Variants in FOXJ3 observed in about 807,000 individuals in gnomAD.
FOXJ3 encodes forkhead box J3, also known as forkhead box protein J3.
Under a neutral mutation model 76.1 loss-of-function variants are expected in FOXJ3, and 22 were observed. The observed-to-expected ratio is 0.29, with a 90% CI of 0.21 to 0.41. FOXJ3 has a LOEUF of 0.41. FOXJ3 is among the 10% of genes least tolerant of loss of function. The pLI, the probability that FOXJ3 is intolerant of heterozygous loss-of-function variation, is 1.00. For synonymous variants in FOXJ3, 269 were observed against 261.2 expected, an observed-to-expected ratio of 1.03 and a Z score of -0.29; for missense variants, 613 against 762.1, an observed-to-expected ratio of 0.80 and a Z score of 2.30.
intron 10 of FOXJ3, 52 bp from the exon 11 acceptor site, chr1:42,188,980 C>A (rs1446481918): frequency 8.4e-7 from 1 of 1,187,738 alleles, no homozygotes; most frequent in Non-Finnish European, 1.2e-6. Context: ...ATAAACATTG[C>A]AAGGAAAATA....
intron 5 of FOXJ3, among the ~76,000 whole-genome samples, chr1:42,209,808 T>G (rs1646931349): frequency 6.6e-6 from 1 of 152,164 alleles, no homozygotes; most frequent in Non-Finnish European, 1.5e-5. Flanking sequence ...AGGTCACAGG[T>G]TGAGAGACAC....
intron 5 of FOXJ3, among the ~76,000 whole-genome samples, chr1:42,207,567 G>C (rs1459410420): frequency 6.6e-6 from 1 of 152,160 alleles, no homozygotes. Context: ...TGATTATGAT[G>C]CTAGCTACAT....
At chr1:42,277,294 A>C (rs1004098252) in intron 3 of FOXJ3, among the ~76,000 whole-genome samples, 1 of 152,086 alleles carries the variant, frequency 6.6e-6, no homozygotes, top group African/African-American at 2.4e-5. Context: ...AAATTTAAAA[A>C]TTAGCTGGCC....
In FOXJ3 at chr1:42,193,808, C is replaced by T. The variant is rs114544883; in HGVS notation, c.934+1082G>A. 4.1e-3 allele frequency among the ~76,000 whole-genome samples: 629 copies of T among 152,194 alleles called. 3 individuals carry two copies. Among genetic ancestry groups the T allele is most frequent in the African/African-American group, 0.014 (586 of 41,506 alleles). Reference sequence around the variant, plus strand: ...TGAATGTATGTGTCCCTCCAAAATTCGTATGTTGGAACTTCAACCCCCAGG... The same window carrying T: ...TGAATGTATGTGTCCCTCCAAAATTTGTATGTTGGAACTTCAACCCCCAGG... On this transcript the variant is annotated intron_variant, in intron 8 of 12. Coordinates refer to ENST00000361346, the MANE Select transcript of FOXJ3 (RefSeq NM_014947.5).
chr1:42,250,178 T>C (rs2124562364), intron 4 of FOXJ3, among the ~76,000 whole-genome samples: 2 of 152,316 alleles, frequency 1.3e-5, no homozygotes, highest in South Asian at 4.1e-4. Context: ...AGTGACATAG[T>C]ATTTTAGGTT....
intron 4 of FOXJ3, among the ~76,000 whole-genome samples, chr1:42,235,774 G>A (rs1648578397): frequency 6.6e-6 from 1 of 152,060 alleles, no homozygotes; most frequent in African/African-American, 2.4e-5. Context: ...TGTTGGCTAG[G>A]CTGATTTCGA....
At chr1:42,232,645 G>T (rs1035924957) in intron 4 of FOXJ3, among the ~76,000 whole-genome samples, 9 of 151,786 alleles carry the variant, frequency 5.9e-5, no homozygotes, top group Middle Eastern at 3.4e-3. Flanking sequence ...TGATGGGGCT[G>T]TTTTTTTCTT....
intron 11 of FOXJ3, among the ~76,000 whole-genome samples, chr1:42,184,684 T>C (rs1646398853): frequency 1.3e-5 from 2 of 152,020 alleles, no homozygotes; most frequent in Admixed American, 6.5e-5. Flanking sequence ...GTATGTAACA[T>C]GCTATGGAAA....
intron 1 of FOXJ3, among the ~76,000 whole-genome samples, chr1:42,316,333 C>CTTTTTTTTTTT (rs71065173): frequency 0.03 from 2,228 of 73,732 alleles, 377 homozygotes; most frequent in African/African-American, 0.093. Flanking sequence ...TGCATTGGGC[C>CTTTTTTTTTTT]TTTTTTTTTT....
intron 2 of FOXJ3, among the ~76,000 whole-genome samples, chr1:42,309,813 C>T (rs556369468): frequency 6.6e-6 from 1 of 152,310 alleles, no homozygotes; most frequent in East Asian, 1.9e-4. Context: ...GACAATCCCT[C>T]AGGGGCCAGT....
Position 42,324,520 on chromosome 1 carries a change from A to G in FOXJ3, c.-18+10539T>C, listed in dbSNP as rs78207238. ...TTAGTACAGTGATGCATCGCTTAAC[A>G]ACAGGGATACTTTCTAAGAAACGTG... On this transcript the variant is annotated intron_variant, in intron 1 of 12. Transcript: ENST00000361346. Among the ~76,000 whole-genome samples, 1,017 of 151,998 alleles carry G rather than the reference A, an allele frequency of 6.7e-3. 14 individuals are homozygous for G. Among genetic ancestry groups the G allele is most frequent in the African/African-American group, 0.024 (983 of 41,434 alleles).
chr1:42,292,535 G>A (rs1653506630), intron 2 of FOXJ3, among the ~76,000 whole-genome samples: 1 of 152,058 alleles, frequency 6.6e-6, no homozygotes, highest in Non-Finnish European at 1.5e-5. Flanking sequence ...ACAAAACCCA[G>A]ATAAAAATAA....
At chr1:42,182,335 C>T (rs917339922) in intron 11 of FOXJ3, among the ~76,000 whole-genome samples, 1 of 152,120 alleles carries the variant, frequency 6.6e-6, no homozygotes. Flanking sequence ...TTTTTGTATC[C>T]ATTACTTCAT....
At chr1:42,226,662 T>C (rs1647599625) in intron 5 of FOXJ3, among the ~76,000 whole-genome samples, 1 of 152,312 alleles carries the variant, frequency 6.6e-6, no homozygotes, top group East Asian at 1.9e-4. Context: ...TCACCAATAC[T>C]AAACTTTAAC....
Position 42,178,128 on chromosome 1 carries a change from C to T in FOXJ3, c.*1582G>A, listed in dbSNP as rs1440695748. 2 of 152,338 alleles carry T rather than the reference C, an allele frequency of 1.3e-5. No individual in the cohort carries two copies. Among genetic ancestry groups the T allele is most frequent in the East Asian group, 1.9e-4 (1 of 5,196 alleles). The allele number at this position is 152,338 out of a possible 1,614,324, so 9.4% of individuals were successfully genotyped here. A position where few individuals can be genotyped will look rare whatever the true frequency, so the allele number is the denominator to read the frequency against. ...AACAAACCACCACCACTAAAAAACC[C>T]GTAAGAGGGGCTGCATTTCAAAGAA... On this transcript the variant is annotated 3_prime_UTR_variant, in exon 13 of 13. Transcript: ENST00000361346.
At chr1:42,189,446 G>C (rs1459711454) in intron 9 of FOXJ3, 42 bp from the exon 10 acceptor site, 2 of 1,404,264 alleles carry the variant, frequency 1.4e-6, no homozygotes, top group African/African-American at 1.4e-5. Flanking sequence ...GATGGTGAAA[G>C]GGTGAAGTGT....
In FOXJ3 at chr1:42,191,679, G is replaced by A. The variant is rs771840125; in HGVS notation, c.975C>T (p.His325=). 1.9e-6 allele frequency: 3 copies of A among 1,613,950 alleles called. No individual in the cohort carries two copies. Among genetic ancestry groups the A allele is most frequent in the Non-Finnish European group, 2.5e-6 (3 of 1,179,848 alleles). Residue 325 remains histidine, a synonymous_variant, in exon 9 of 13, where the codon CAC becomes CAT. Coordinates refer to ENST00000361346, the MANE Select transcript of FOXJ3 (RefSeq NM_014947.5). ...GAGAGTGCTGATAGGTACATGAAGTGTGGGACTGCTGGGAAGATTCAGAAG... is the reference window on the plus strand; with the variant it reads ...GAGAGTGCTGATAGGTACATGAAGTATGGGACTGCTGGGAAGATTCAGAAG... The part of the protein sequence containing the change: ...NIPSESSQQS[H]TSCTYQHSPS...
intron 5 of FOXJ3, among the ~76,000 whole-genome samples, chr1:42,224,834 C>T (rs547221508): frequency 6.6e-6 from 1 of 152,046 alleles, no homozygotes; most frequent in East Asian, 1.9e-4. Flanking sequence ...CATCTATAAT[C>T]CCAGCACTTT....
Position 42,212,365 on chromosome 1 carries a change from G to C in FOXJ3, c.529-6502C>G, listed in dbSNP as rs148426937. On this transcript the variant is annotated intron_variant, in intron 5 of 12. Transcript: ENST00000361346. ...GGATATGAAGGAAAAATTTTCTAAAGAGACAAGTATTTTAAAGCAAAGCCA... is the reference window on the plus strand; with the variant it reads ...GGATATGAAGGAAAAATTTTCTAAACAGACAAGTATTTTAAAGCAAAGCCA... Among the ~76,000 whole-genome samples, 1,033 of 152,250 alleles carry C rather than the reference G, an allele frequency of 6.8e-3. 2 individuals are homozygous for C. Among genetic ancestry groups the C allele is most frequent in the Middle Eastern group, 0.02 (6 of 294 alleles).
Sources: allele counts gnomAD v4.1 joint callset (sites outside exome capture counted in the v4.1 genomes callset), GRCh38; gene constraint gnomAD v4.1.1; transcripts MANE v1.5; gene names NCBI Gene and HGNC (gene_info 2026-07-23, HGNC 2026-07-21).